RNF40: variants seen among roughly 807,000 people sequenced by gnomAD.
RNF40 encodes E3 ubiquitin-protein ligase BRE1B.
Under a neutral mutation model 123.3 loss-of-function variants are expected in RNF40, and 39 were observed. That is an observed-to-expected ratio of 0.32 (90% CI 0.24 to 0.41). RNF40 has a LOEUF of 0.41. Ranked by LOEUF, RNF40 falls within the 10% of genes least tolerant of loss-of-function variation. The pLI, the probability that RNF40 is intolerant of heterozygous loss-of-function variation, is 1.00. For missense variants in RNF40, 1,003 were observed against 1,319.9 expected (o/e 0.76, Z 3.72); for synonymous variants, 538 against 526.0 (o/e 1.02, Z -0.31).
intron 6 of RNF40, 25 bp from the exon 7 acceptor site, chr16:30,765,156 G>A: frequency 6.2e-7 from 1 of 1,612,714 alleles, no homozygotes; most frequent in Non-Finnish European, 8.5e-7. Context: ...CCCCATCCAA[G>A]CATCTGCTCC....
intron 8 of RNF40, among the ~76,000 whole-genome samples, chr16:30,765,868 A>C (rs948310087): frequency 2.0e-5 from 3 of 152,240 alleles, no homozygotes; most frequent in Non-Finnish European, 4.4e-5. Flanking sequence ...AGTTGGAGTC[A>C]GTTGGCATCT....
chr16:30,769,450 C>G, intron 16 of RNF40, 25 bp from the exon 17 acceptor site: 3 of 1,614,010 alleles, frequency 1.9e-6, no homozygotes, highest in Non-Finnish European at 2.5e-6. Context: ...GGGGTCATGG[C>G]CCTGAGTCCT....
rs751173876 is a variant in RNF40 at position 30,768,825 on chromosome 16, C to T, written c.2098-13C>T. ...AGCAGTGTCAAGAGAGTTTCTTCTTCCCTGTGCTATAGGTTGATGAGCTGC... is the reference window on the plus strand; with the variant it reads ...AGCAGTGTCAAGAGAGTTTCTTCTTTCCTGTGCTATAGGTTGATGAGCTGC... On this transcript the variant is annotated splice_polypyrimidine_tract_variant and intron_variant, in intron 14 of 19. Coordinates refer to ENST00000324685, the MANE Select transcript of RNF40 (RefSeq NM_014771.4). This position sits in a 1 kb window ranked among gnomAD's most constrained non-coding sequence, Gnocchi z 4.1. 10 of 1,614,078 alleles carry T rather than the reference C, an allele frequency of 6.2e-6. No homozygotes were observed. The highest frequency in any genetic ancestry group is 1.3e-5 in the African/African-American group (1 of 74,944).
At chr16:30,765,978 G>A (rs149300965) in intron 8 of RNF40, among the ~76,000 whole-genome samples, 185 bp from the exon 9 acceptor site, 22 of 152,266 alleles carry the variant, frequency 1.4e-4, no homozygotes, top group Admixed American at 3.9e-4. Flanking sequence ...TCCCAGCACC[G>A]ACCATGCAGT....
At chr16:30,764,799 A>T (rs1334486802) in intron 5 of RNF40, 139 bp from the exon 6 acceptor site, 7 of 1,251,530 alleles carry the variant, frequency 5.6e-6, no homozygotes, top group South Asian at 1.5e-5. Flanking sequence ...TGCAGTGGGG[A>T]TAAAGACTCC....
Position 30,763,570 on chromosome 16 carries a change from A to G in RNF40, c.442+11A>G, listed in dbSNP as rs1473847401. On this transcript the variant is annotated intron_variant, in intron 4 of 19. Coordinates refer to ENST00000324685, the MANE Select transcript of RNF40 (RefSeq NM_014771.4). ...CATCAGAGCTGAGAGGTAGGACCAG[A>G]GTGCTGGGATCTGGGGAGCTTAAGT... The G allele has an allele frequency of 6.2e-7, 1 of 1,613,864 alleles. No individual in the cohort carries two copies. Among genetic ancestry groups the G allele is most frequent in the Non-Finnish European group, 8.5e-7 (1 of 1,179,960 alleles).
intron 17 of RNF40, among the ~76,000 whole-genome samples, chr16:30,770,699 A>G (rs1272785285): frequency 1.5e-4 from 23 of 151,994 alleles, no homozygotes; most frequent in Admixed American, 1.4e-3. Context: ...TTTAAGCAGT[A>G]TGTTTGTGGT....
Position 30,768,228 on chromosome 16 carries a change from C to A in RNF40, c.1677C>A (p.Asp559Glu). Residue 559 changes from aspartate (D) to glutamate (E), a missense_variant, in exon 13 of 20, where the codon GAC (aspartate) becomes GAA (glutamate). Asp to Glu is a conservative substitution (Grantham distance 45, BLOSUM62 2). Around this residue, in one of 11 missense-constraint regions of RNF40, gnomAD observed 295 missense variants for 331.7 expected, o/e 0.89. Transcript: ENST00000324685. The surrounding 1 kb of genome is among the most constrained non-coding windows in gnomAD (Gnocchi z 4.1). ...EGGPGPVSTP[D>E]NRKEMAPVPG... is the part of the protein sequence containing the mutation. ...GGCCAGGCCCTGTCAGTACCCCCGA[C>A]AACAGAAAGGAGATGGCTCCAGTGC... The A allele has an allele frequency of 6.2e-7, 1 of 1,613,820 alleles. No homozygotes were observed. The highest frequency in any genetic ancestry group is 2.2e-5 in the East Asian group (1 of 44,870).
chr16:30,774,357 T>C lies in RNF40; in HGVS notation c.*243T>C, dbSNP rs1393945829. 4.1e-6 allele frequency: 2 copies of C among 482,462 alleles called. No individual in the cohort carries two copies. The highest frequency in any genetic ancestry group is 3.6e-5 in the Admixed American group (1 of 27,972). The allele number at this position is 482,462 out of a possible 1,614,324, so 29.9% of individuals were successfully genotyped here. On this transcript the variant is annotated 3_prime_UTR_variant, in exon 20 of 20. Coordinates refer to ENST00000324685, the MANE Select transcript of RNF40 (RefSeq NM_014771.4). ...GGGGCACTGCCCTACAGAAAAGGTC[T>C]GCCTGAGAGGCCTGAGGAGCCCAGA... is the stretch of plus-strand genomic sequence containing the variant.
upstream of RNF40, chr16:30,762,301 T>C: frequency 2.1e-6 from 1 of 484,824 alleles, no homozygotes; most frequent in Admixed American, 4.2e-5. Flanking sequence ...TGGCGTCCAG[T>C]GACGCCCAGT....
chr16:30,764,930 C>A lies in RNF40; in HGVS notation c.650-8C>A, dbSNP rs745884537. The stretch of plus-strand genomic sequence containing the variant: ...AGCTGGGCTCTTACCTGGGCCCTGC[C>A]TTCCCAGGGGACAGTGAGCCCCTCA... On this transcript the variant is annotated splice_region_variant and splice_polypyrimidine_tract_variant and intron_variant, in intron 5 of 19. Coordinates refer to ENST00000324685, the MANE Select transcript of RNF40 (RefSeq NM_014771.4). 1.2e-6 allele frequency: 2 copies of A among 1,609,988 alleles called. No individual in the cohort carries two copies. Among genetic ancestry groups the A allele is most frequent in the South Asian group, 1.1e-5 (1 of 90,874 alleles).
At position 30,766,424 on chromosome 16, in the gene RNF40, G is replaced by A. The variant is rs555247351; in HGVS notation, c.1159G>A (p.Glu387Lys). 1 of 1,613,948 alleles carries A rather than the reference G, an allele frequency of 6.2e-7. No homozygotes were observed. Among genetic ancestry groups the A allele is most frequent in the East Asian group, 2.2e-5 (1 of 44,876 alleles). The change falls in exon 10 of 20, where the codon GAG (glutamate) becomes AAG (lysine). Residue 387 changes from glutamate to lysine, a missense_variant. By Grantham distance (56) the Glu-to-Lys change is moderately conservative (BLOSUM62 1). Around this residue, in one of 11 missense-constraint regions of RNF40, gnomAD observed 274 missense variants for 356.9 expected, o/e 0.77. Transcript: ENST00000324685. This position sits in a 1 kb window ranked among gnomAD's most constrained non-coding sequence, Gnocchi z 5.4. The part of the protein sequence containing the change: ...LPEEVVRETG[E>K]YRMLQAQFSL... ...TGAGGAGGTAGTGCGGGAGACGGGG[G>A]AGTACCGCATGCTGCAGGCCCAATT... is the stretch of plus-strand genomic sequence containing the variant.
chr16:30,762,797 C>A, intron 2 of RNF40, 120 bp downstream of exon 2: 1 of 1,306,028 alleles, frequency 7.7e-7, no homozygotes, highest in Non-Finnish European at 1.1e-6. Flanking sequence ...CGTTACAGGA[C>A]CTTGAAAGAA....
chr16:30,774,177 C>G lies in RNF40; in HGVS notation c.*63C>G, dbSNP rs1178017505. On this transcript the variant is annotated 3_prime_UTR_variant, in exon 20 of 20. Coordinates refer to ENST00000324685, the MANE Select transcript of RNF40 (RefSeq NM_014771.4). ...TGGGGGCTGTGCCCCCATCTCCTCCCCACCCCAGGTCTAGTGGCCCCACCC... is the reference window on the plus strand; with the variant it reads ...TGGGGGCTGTGCCCCCATCTCCTCCGCACCCCAGGTCTAGTGGCCCCACCC... 6.6e-7 allele frequency: 1 copy of G among 1,514,564 alleles called. No individual in the cohort carries two copies. Among genetic ancestry groups the G allele is most frequent in the African/African-American group, 1.4e-5 (1 of 72,062 alleles). The allele number at this position is 1,514,564 out of a possible 1,614,324, so 93.8% of individuals were successfully genotyped here. A position where few individuals can be genotyped will look rare whatever the true frequency, so the allele number is the denominator to read the frequency against.
At position 30,768,145 on chromosome 16, in the gene RNF40, C is replaced by T. The variant is rs746799774; in HGVS notation, c.1594C>T (p.Leu532=). The change falls in exon 13 of 20, where the codon CTG becomes TTG. Residue 532 remains leucine, a synonymous_variant. Transcript: ENST00000324685. This position sits in a 1 kb window ranked among gnomAD's most constrained non-coding sequence, Gnocchi z 4.1. ...TGGCTCTGCCCACTCCACCCCCAAC[C>T]TGGGCCACCCAGAGGATTCTGGCGT... ...ASGSAHSTPN[L]GHPEDSGVSA... 6.8e-6 allele frequency: 11 copies of T among 1,607,438 alleles called. No individual in the cohort carries two copies. In the East Asian group the frequency reaches 1.8e-4, roughly 26 times the overall value.
intron 4 of RNF40, among the ~76,000 whole-genome samples, chr16:30,763,778 A>T (rs1207003956): frequency 6.6e-6 from 1 of 152,240 alleles, no homozygotes; most frequent in South Asian, 2.1e-4. Flanking sequence ...CATTTGTTTC[A>T]AAACAGTATT....
chr16:30,765,046 G>A lies in RNF40; in HGVS notation c.758G>A (p.Arg253His), dbSNP rs140880093. Residue 253 changes from arginine (R) to histidine (H), a missense_variant, in exon 6 of 20, where the codon CGC becomes CAC. Arg to His is a conservative substitution (Grantham distance 29). This residue lies in a region of RNF40 where 274 missense variants were observed against 356.9 expected (regional missense o/e 0.77). Coordinates refer to ENST00000324685, the MANE Select transcript of RNF40 (RefSeq NM_014771.4). Reference sequence around the variant, plus strand: ...ACTCAGCTGCAGGAGAAACACCACCGCATCTCATTGGAGGTGAGGAGCCGG... The same window carrying A: ...ACTCAGCTGCAGGAGAAACACCACCACATCTCATTGGAGGTGAGGAGCCGG... ...LATQLQEKHH[R>H]ISLEYSELQD... 1.9e-6 allele frequency: 3 copies of A among 1,614,012 alleles called. No individual in the cohort carries two copies. The highest frequency in any genetic ancestry group is 1.7e-5 in the Admixed American group (1 of 59,998).
At position 30,774,295 on chromosome 16, in the gene RNF40, G is replaced by A. The variant is rs1181037168; in HGVS notation, c.*181G>A. 1.8e-5 allele frequency: 11 copies of A among 614,058 alleles called. No individual in the cohort carries two copies. Among genetic ancestry groups the A allele is most frequent in the Admixed American group, 3.1e-5 (1 of 32,358 alleles). 38.0% of individuals were successfully genotyped at this position (614,058 alleles called of 1,614,324 possible). On this transcript the variant is annotated 3_prime_UTR_variant, in exon 20 of 20. Coordinates refer to ENST00000324685, the MANE Select transcript of RNF40 (RefSeq NM_014771.4). ...GTGGGCATGGGATCAGCCAAGCTTC[G>A]TTCCATCTTTTCCTAAAGGTCAGAG...
Position 30,766,934 on chromosome 16 carries a change from G to A in RNF40, c.1429+58G>A. 6.3e-7 allele frequency: 1 copy of A among 1,587,556 alleles called. No homozygotes were observed. The highest frequency in any genetic ancestry group is 8.6e-7 in the Non-Finnish European group (1 of 1,166,062). ...TTATCTGGGAGTGCTGGGCCCTGGT[G>A]TGGGGCTGCTGCTTATCCAGATGCA... is the stretch of plus-strand genomic sequence containing the variant. On this transcript the variant is annotated intron_variant, in intron 11 of 19. Coordinates refer to ENST00000324685, the MANE Select transcript of RNF40 (RefSeq NM_014771.4). The surrounding 1 kb of genome is among the most constrained non-coding windows in gnomAD (Gnocchi z 5.4).
Sources: gnomAD v4.1 joint callset for allele counts (sites outside exome capture counted in the v4.1 genomes callset) on GRCh38, gnomAD v4.1.1 for gene constraint, gnomAD v4.1.1 regional missense constraint, Gnocchi (gnomAD v3.1) non-coding constraint, MANE v1.5 for transcripts, NCBI Gene and HGNC (gene_info 2026-07-23, HGNC 2026-07-21) for gene names.